Variants in EXT1 observed in about 807,000 individuals in gnomAD.
The protein encoded by EXT1 is exostosin glycosyltransferase 1.
Under a neutral mutation model 82.5 loss-of-function variants are expected in EXT1, and 20 were observed. The ratio of observed to expected loss-of-function variants is 0.24; its 90% CI spans 0.17 to 0.35. The LOEUF (loss-of-function observed/expected upper bound fraction) is 0.35. Ranked by LOEUF, EXT1 falls within the 10% of genes least tolerant of loss-of-function variation. EXT1 has a pLI of 1.00. For synonymous variants in EXT1, 348 were observed against 350.8 expected (o/e 0.99, Z 0.09); for missense variants, 757 against 936.5 (o/e 0.81, Z 2.50).
At chr8:118,104,909 C>G (rs907068488) in intron 1 of EXT1, among the ~76,000 whole-genome samples, 12 of 152,258 alleles carry the variant, frequency 7.9e-5, no homozygotes, top group African/African-American at 2.9e-4. Flanking sequence ...CTGGTTCATT[C>G]TGAATATGCA....
At chr8:118,073,668 A>AGAAGG (rs1817146578) in intron 1 of EXT1, among the ~76,000 whole-genome samples, 9 of 148,912 alleles carry the variant, frequency 6.0e-5, no homozygotes, top group Admixed American at 5.3e-4. Context: ...AGAAGAGAAG[A>AGAAGG]GAAGAGAAGA....
intron 1 of EXT1, among the ~76,000 whole-genome samples, chr8:117,959,063 GGAGGT>G (rs1353978761): frequency 6.6e-6 from 1 of 152,102 alleles, no homozygotes; most frequent in Admixed American, 6.5e-5. Flanking sequence ...TGAACTCCTA[GGAGGT>G]CCAACTCCAC....
intron 1 of EXT1, among the ~76,000 whole-genome samples, chr8:117,954,130 G>A (rs563709982): frequency 6.6e-6 from 1 of 152,256 alleles, no homozygotes; most frequent in African/African-American, 2.4e-5. Flanking sequence ...AATCTCTCCT[G>A]TGTATCTCCT....
chr8:117,912,019 A>G (rs192180312), intron 1 of EXT1, among the ~76,000 whole-genome samples: 1 of 152,334 alleles, frequency 6.6e-6, no homozygotes, highest in East Asian at 1.9e-4. Context: ...AGGAAAAGGA[A>G]GAAGAGTAGA....
chr8:117,837,060 T>C, intron 2 of EXT1, 48 bp downstream of exon 2: 1 of 1,355,268 alleles, frequency 7.4e-7, no homozygotes, highest in Non-Finnish European at 1.1e-6. Context: ...CCACTTAATC[T>C]GGCTTCGGTC....
Position 117,796,722 on chromosome 8 carries a change from T to C in EXT1, c.*2990A>G, listed in dbSNP as rs935149312. On this transcript the variant is annotated 3_prime_UTR_variant, in exon 11 of 11. Transcript: ENST00000378204. ...ACCAGGTAGGCCCACCTAGCTATGC[T>C]ATCTTTTGTGGTATGACTATCGTGA... The C allele has an allele frequency of 6.6e-6, 1 of 152,196 alleles. No homozygotes were observed. The highest frequency in any genetic ancestry group is 2.4e-5 in the African/African-American group (1 of 41,442). 9.4% of individuals were successfully genotyped at this position (152,196 alleles called of 1,614,324 possible).
intron 1 of EXT1, among the ~76,000 whole-genome samples, chr8:118,108,613 T>A (rs1362899404): frequency 6.6e-6 from 1 of 152,246 alleles, no homozygotes; most frequent in Non-Finnish European, 1.5e-5. Flanking sequence ...AGTCTCCGGC[T>A]TTTCTTATGC....
At chr8:117,868,714 T>C (rs1812815937) in intron 1 of EXT1, among the ~76,000 whole-genome samples, 2 of 152,142 alleles carry the variant, frequency 1.3e-5, no homozygotes, top group Non-Finnish European at 1.5e-5. Flanking sequence ...CCTCCCAAAG[T>C]GCTGGGATTA....
intron 1 of EXT1, among the ~76,000 whole-genome samples, chr8:117,941,406 T>C (rs1359534495): frequency 6.6e-6 from 1 of 152,180 alleles, no homozygotes; most frequent in Non-Finnish European, 1.5e-5. Context: ...GAGGGGGGAA[T>C]AGGCTAGGCC....
chr8:117,816,954 A>T (rs1158477432), intron 7 of EXT1, among the ~76,000 whole-genome samples: 1 of 152,106 alleles, frequency 6.6e-6, no homozygotes, highest in Non-Finnish European at 1.5e-5. Context: ...CAGGCATTGG[A>T]ATTGGAACAC....
chr8:117,864,572 A>AC (rs58176542), intron 1 of EXT1, among the ~76,000 whole-genome samples: 5,304 of 152,090 alleles, frequency 0.035, 318 homozygotes, highest in African/African-American at 0.12. Context: ...ACACGGTGAA[A>AC]CCCCGTCTCT....
chr8:118,064,765 C>T (rs1183409465), intron 1 of EXT1, among the ~76,000 whole-genome samples: 1 of 151,924 alleles, frequency 6.6e-6, no homozygotes, highest in Admixed American at 6.6e-5. Flanking sequence ...CTGTCTTCCA[C>T]AATGGTTGAA....
intron 1 of EXT1, 65 bp from the exon 2 acceptor site, chr8:117,837,266 A>G (rs1563575742): frequency 7.5e-7 from 1 of 1,337,482 alleles, no homozygotes; most frequent in South Asian, 1.2e-5. Context: ...TATTGACCAT[A>G]GGTGGGCGCC....
Position 117,843,107 on chromosome 8 carries a change from AAAAG to A in EXT1, c.963-5910_963-5907del, listed in dbSNP as rs141645125. On this transcript the variant is annotated intron_variant, in intron 1 of 10. Transcript: ENST00000378204. ...AGTTTGAATAATATCCCTTAAGAAAAAAAGAAAGAAAGAAAATAAAAATAATTTA... is the reference window on the plus strand; with the variant it reads ...AGTTTGAATAATATCCCTTAAGAAAAAAAGAAAGAAAATAAAAATAATTTA... 1.4e-3 allele frequency among the ~76,000 whole-genome samples: 209 copies of A among 152,344 alleles called. 1 individual carries two copies. Among genetic ancestry groups the A allele is most frequent in the East Asian group, 0.012 (60 of 5,182 alleles).
In EXT1 at chr8:118,078,558, GAA is replaced by G. The variant is rs112351837; in HGVS notation, c.962+31525_962+31526del. 3.8e-5 allele frequency among the ~76,000 whole-genome samples: 5 copies of G among 130,044 alleles called. No homozygotes were observed. In the South Asian group the frequency reaches 9.9e-4, roughly 26 times the overall value. 85.3% of individuals were successfully genotyped at this position (130,044 alleles called of 152,430 possible). Reference sequence around the variant, plus strand: ...CTAGGTCATGACCATTTTTTGGTGGGAAAAAAAAAAAAAAGCTTAGTCCCAAA... The same window carrying G: ...CTAGGTCATGACCATTTTTTGGTGGGAAAAAAAAAAAAGCTTAGTCCCAAA... On this transcript the variant is annotated intron_variant, in intron 1 of 10. Transcript: ENST00000378204.
chr8:117,796,462 A>G lies in EXT1; in HGVS notation c.*3250T>C, dbSNP rs1471716924. The G allele has an allele frequency of 6.6e-6, 1 of 152,050 alleles. No individual in the cohort carries two copies. Among genetic ancestry groups the G allele is most frequent in the Admixed American group, 6.6e-5 (1 of 15,256 alleles). The allele number at this position is 152,050 out of a possible 1,614,324, so 9.4% of individuals were successfully genotyped here. On this transcript the variant is annotated 3_prime_UTR_variant, in exon 11 of 11. Coordinates refer to ENST00000378204, the MANE Select transcript of EXT1 (RefSeq NM_000127.3). ...GTAACCTTTATGAAAGGCCACCAGC[A>G]TAATACTCTTTCAAGTCACCAGGTA...
chr8:117,862,612 A>G lies in EXT1; in HGVS notation c.963-25411T>C, dbSNP rs1042262288. ...TCCATCCAGGCACTGCTGGAATTGG[A>G]TGTTAGATCTACAAAGGGGAATTAG... On this transcript the variant is annotated intron_variant, in intron 1 of 10. Coordinates refer to ENST00000378204, the MANE Select transcript of EXT1 (RefSeq NM_000127.3). Among the ~76,000 whole-genome samples, 13 of 145,140 alleles carry G rather than the reference A, an allele frequency of 9.0e-5. 1 individual carries two copies. In the Admixed American group the frequency reaches 9.1e-4, roughly 10 times the overall value.
chr8:118,005,951 T>C (rs1169536485), intron 1 of EXT1, among the ~76,000 whole-genome samples: 3 of 152,338 alleles, frequency 2.0e-5, no homozygotes, highest in Non-Finnish European at 4.4e-5. Flanking sequence ...TGTTATACAA[T>C]AGGACAGCTC....
At chr8:118,000,550 G>A (rs1313584034) in intron 1 of EXT1, among the ~76,000 whole-genome samples, 2 of 152,166 alleles carry the variant, frequency 1.3e-5, no homozygotes, top group Non-Finnish European at 2.9e-5. Context: ...GCTGTAGCTA[G>A]GAACTGTTTA....
Sources: gnomAD v4.1 joint callset for allele counts (sites outside exome capture counted in the v4.1 genomes callset) on GRCh38, gnomAD v4.1.1 for gene constraint, MANE v1.5 for transcripts, NCBI Gene and HGNC (gene_info 2026-07-23, HGNC 2026-07-21) for gene names.